The following COLEC12 variants were observed in gnomAD, a reference collection of about 807,000 sequenced individuals.
The protein encoded by COLEC12 is collectin-12.
COLEC12 carries 33 observed loss-of-function variants against 71.1 expected under a neutral mutation model. The ratio of observed to expected loss-of-function variants is 0.46; its 90% CI spans 0.35 to 0.62. The LOEUF is 0.62. Ranked by LOEUF, COLEC12 falls within the 20% of genes least tolerant of loss-of-function variation. The pLI is 0.00. For synonymous variants in COLEC12, 350 were observed against 353.0 expected (o/e 0.99, Z 0.10); for missense variants, 765 against 916.1 (o/e 0.84, Z 2.13).
intron 2 of COLEC12, among the ~76,000 whole-genome samples, chr18:361,223 G>A (rs548671103): frequency 1.3e-5 from 2 of 152,244 alleles, no homozygotes; most frequent in South Asian, 2.1e-4. Context: ...TAAAAGGACT[G>A]CAAGGGGGCA....
intron 2 of COLEC12, among the ~76,000 whole-genome samples, chr18:449,330 T>C (rs1051701667): frequency 2.9e-4 from 44 of 152,184 alleles, no homozygotes; most frequent in Non-Finnish European, 8.8e-5. Flanking sequence ...TGAGGCTAAG[T>C]TGAGAGGAAA....
chr18:413,211 A>G (rs892784506), intron 2 of COLEC12, among the ~76,000 whole-genome samples: 5 of 152,346 alleles, frequency 3.3e-5, no homozygotes, highest in African/African-American at 1.2e-4. Context: ...ATTTGACTGA[A>G]GAAGACAGAT....
At chr18:481,751 C>A (rs568007132) in intron 1 of COLEC12, among the ~76,000 whole-genome samples, 14 of 152,182 alleles carry the variant, frequency 9.2e-5, no homozygotes, top group Non-Finnish European at 2.9e-5. Flanking sequence ...AACCTTTCTA[C>A]CAAAAGACCT....
intron 5 of COLEC12, among the ~76,000 whole-genome samples, chr18:339,471 G>A (rs147793672): frequency 3.1e-4 from 47 of 152,230 alleles, no homozygotes; most frequent in African/African-American, 9.9e-4. Flanking sequence ...AGTAAATATC[G>A]GGGGGAAATG....
Position 346,005 on chromosome 18 carries a change from C to G in COLEC12, c.1327+290G>C, listed in dbSNP as rs924422984. 2.6e-5 allele frequency among the ~76,000 whole-genome samples: 4 copies of G among 152,240 alleles called. No individual in the cohort carries two copies. The highest frequency in any genetic ancestry group is 9.6e-5 in the African/African-American group (4 of 41,472). ...GTGAGGACACTCAAGCAATTTCACA[C>G]AGCAAGGAACTGAGGCCTCCTGCCA... is the stretch of plus-strand genomic sequence containing the variant. On this transcript the variant is annotated intron_variant, in intron 5 of 9. Transcript: ENST00000400256. The surrounding 1 kb of genome is among the most constrained non-coding windows in gnomAD (Gnocchi z 4.0).
intron 2 of COLEC12, among the ~76,000 whole-genome samples, chr18:401,425 G>A (rs1003032921): frequency 7.2e-5 from 11 of 152,316 alleles, no homozygotes; most frequent in South Asian, 2.1e-4. Flanking sequence ...GATTCAACCC[G>A]TATTCCAAGG....
chr18:344,074 A>C (rs1316565168), intron 5 of COLEC12, among the ~76,000 whole-genome samples: 1 of 152,202 alleles, frequency 6.6e-6, no homozygotes, highest in African/African-American at 2.4e-5. Flanking sequence ...AAAACTATAA[A>C]ATTAATAACT....
intron 2 of COLEC12, among the ~76,000 whole-genome samples, chr18:451,187 C>T (rs1036385556): frequency 6.6e-6 from 1 of 152,256 alleles, no homozygotes; most frequent in Non-Finnish European, 1.5e-5. Flanking sequence ...TGCCTGCTCC[C>T]TGTCAGTGAT....
At chr18:370,312 T>A (rs1235474452) in intron 2 of COLEC12, among the ~76,000 whole-genome samples, 1 of 152,188 alleles carries the variant, frequency 6.6e-6, no homozygotes, top group East Asian at 1.9e-4. Flanking sequence ...GTATAATCAC[T>A]TCATTGTATT....
intron 2 of COLEC12, among the ~76,000 whole-genome samples, chr18:380,600 TACACACACTC>T (rs1333295732): frequency 6.6e-6 from 1 of 152,112 alleles, no homozygotes; most frequent in Non-Finnish European, 1.5e-5. Context: ...CACACTCACA[TACACACACTC>T]ACACACACAC....
At chr18:324,225 T>C (rs1205299547) in intron 8 of COLEC12, among the ~76,000 whole-genome samples, 1 of 152,166 alleles carries the variant, frequency 6.6e-6, no homozygotes, top group Non-Finnish European at 1.5e-5. Context: ...TTTATAATAA[T>C]ATAGAACGTA....
chr18:471,411 A>G (rs1322774343), intron 2 of COLEC12, among the ~76,000 whole-genome samples: 1 of 151,768 alleles, frequency 6.6e-6, no homozygotes, highest in Non-Finnish European at 1.5e-5. Flanking sequence ...ATACTGAGCC[A>G]GAAAACAAAA....
intron 2 of COLEC12, among the ~76,000 whole-genome samples, chr18:388,003 T>C (rs757553978): frequency 1.3e-5 from 2 of 152,178 alleles, no homozygotes; most frequent in Non-Finnish European, 2.9e-5. Flanking sequence ...TTTTGGCCTA[T>C]AGTTTCAGTA....
intron 2 of COLEC12, among the ~76,000 whole-genome samples, chr18:471,614 A>C (rs973046217): frequency 3.3e-5 from 5 of 151,236 alleles, no homozygotes; most frequent in Admixed American, 6.6e-5. Flanking sequence ...ATAATTTTAA[A>C]AGTGAAACAA....
At chr18:477,625 C>A (rs1185005272) in intron 2 of COLEC12, among the ~76,000 whole-genome samples, 1 of 152,198 alleles carries the variant, frequency 6.6e-6, no homozygotes, top group African/African-American at 2.4e-5. Flanking sequence ...GTGCTAACAG[C>A]CCCAAATCTC....
intron 2 of COLEC12, among the ~76,000 whole-genome samples, chr18:372,315 G>C (rs968238686): frequency 6.6e-6 from 1 of 152,234 alleles, no homozygotes; most frequent in African/African-American, 2.4e-5. Context: ...AAGTCACTGA[G>C]ACAAAGCTGG....
At chr18:404,523 G>A (rs965166043) in intron 2 of COLEC12, among the ~76,000 whole-genome samples, 8 of 152,196 alleles carry the variant, frequency 5.3e-5, no homozygotes, top group African/African-American at 1.9e-4. Flanking sequence ...ATTTAAAGTG[G>A]GACGAAGGGT....
intron 1 of COLEC12, among the ~76,000 whole-genome samples, chr18:486,470 C>A (rs1287643449): frequency 6.6e-6 from 1 of 152,194 alleles, no homozygotes; most frequent in Non-Finnish European, 1.5e-5. Flanking sequence ...CAGGTGTGAG[C>A]CACCACACCT....
intron 2 of COLEC12, among the ~76,000 whole-genome samples, chr18:407,425 G>A (rs71352940): frequency 0.072 from 10,935 of 152,192 alleles, 460 homozygotes; most frequent in South Asian, 0.11. Flanking sequence ...AGTTGATGGC[G>A]CTAGTTTCAG....
Sources: allele counts gnomAD v4.1 joint callset (sites outside exome capture counted in the v4.1 genomes callset), GRCh38; gene constraint gnomAD v4.1.1; non-coding constraint Gnocchi (gnomAD v3.1); transcripts MANE v1.5; gene names NCBI Gene and HGNC (gene_info 2026-07-23, HGNC 2026-07-21).